Variants in NFIB observed in about 807,000 individuals in gnomAD.
NFIB encodes nuclear factor I B.
NFIB carries 11 observed loss-of-function variants against 61.5 expected under a neutral mutation model. The ratio of observed to expected loss-of-function variants is 0.18; its 90% CI spans 0.11 to 0.30. The LOEUF is 0.30. Ranked by LOEUF, NFIB falls within the 10% of genes least tolerant of loss-of-function variation. The probability of loss-of-function intolerance (pLI) is 1.00; values close to 1 mark genes in which losing one functional copy is unlikely to be tolerated. For synonymous variants in NFIB, 260 were observed against 216.5 expected, an observed-to-expected ratio of 1.20 and a Z score of -1.76; for missense variants, 471 against 608.9, an observed-to-expected ratio of 0.77 and a Z score of 2.38.
the NFIB span, among the ~76,000 whole-genome samples, chr9:14,487,275 T>G: frequency 1.3e-5 from 2 of 152,234 alleles, no homozygotes; most frequent in Non-Finnish European, 2.9e-5. Context: ...AACATTTATA[T>G]TGCTGCCTTT....
the NFIB span, among the ~76,000 whole-genome samples, chr9:14,447,147 T>A: frequency 6.6e-6 from 1 of 152,214 alleles, no homozygotes; most frequent in Non-Finnish European, 1.5e-5. Context: ...TTTTATAGTT[T>A]ATTGTTTCTG....
At chr9:14,228,259 A>G (rs999572994) in intron 2 of NFIB, among the ~76,000 whole-genome samples, 3 of 150,722 alleles carry the variant, frequency 2.0e-5, no homozygotes, top group African/African-American at 7.4e-5. Context: ...CAGTGGCGCA[A>G]TCTCGGCTCA....
At chr9:14,147,689 T>C (rs1270730514) in intron 5 of NFIB, among the ~76,000 whole-genome samples, 7 of 146,232 alleles carry the variant, frequency 4.8e-5, no homozygotes. Flanking sequence ...ACCTACGATG[T>C]AGTACACTGT....
intron 10 of NFIB, among the ~76,000 whole-genome samples, chr9:14,108,429 T>G (rs995394041): frequency 5.9e-5 from 9 of 152,112 alleles, no homozygotes; most frequent in African/African-American, 1.9e-4. Context: ...AGAAGTAATT[T>G]CTTAAAAAGG....
the NFIB span, among the ~76,000 whole-genome samples, chr9:14,474,380 C>A: frequency 1.3e-5 from 2 of 152,260 alleles, no homozygotes; most frequent in Admixed American, 1.3e-4. Flanking sequence ...GTTTCATCCT[C>A]AAAACCTAAT....
At chr9:14,505,078 A>G in the NFIB span, among the ~76,000 whole-genome samples, 1 of 152,084 alleles carries the variant, frequency 6.6e-6, no homozygotes. Flanking sequence ...TTCTGCATCT[A>G]TTGAGGTGAT....
At chr9:14,411,657 T>A in the NFIB span, among the ~76,000 whole-genome samples, 1 of 152,100 alleles carries the variant, frequency 6.6e-6, no homozygotes, top group Non-Finnish European at 1.5e-5. Context: ...GTGGCCTTCG[T>A]TTCTGTTGGG....
chr9:14,380,604 G>T (rs921751166), intron 1 of NFIB, among the ~76,000 whole-genome samples: 1 of 152,126 alleles, frequency 6.6e-6, no homozygotes, highest in African/African-American at 2.4e-5. Flanking sequence ...ATTACAGGAA[G>T]CAGCTGTCTA....
chr9:14,220,007 C>A (rs2051445879), intron 2 of NFIB, among the ~76,000 whole-genome samples: 2 of 152,152 alleles, frequency 1.3e-5, no homozygotes, highest in Admixed American at 1.3e-4. Flanking sequence ...CTTGGGAGCG[C>A]ATCAAAGCAA....
the NFIB span, among the ~76,000 whole-genome samples, chr9:14,488,442 G>C: frequency 1.3e-5 from 2 of 152,050 alleles, no homozygotes. Context: ...TTCTGGTTCA[G>C]TTATGCCTGG....
At chr9:14,300,056 C>A (rs2059667305) in intron 2 of NFIB, 1 of 396,182 alleles carries the variant, frequency 2.5e-6, no homozygotes, top group Non-Finnish European at 4.4e-6. Context: ...ACTTAGTTTT[C>A]ACAAGTTCTC....
At chr9:14,242,934 T>C (rs1023516677) in intron 2 of NFIB, among the ~76,000 whole-genome samples, 1 of 152,238 alleles carries the variant, frequency 6.6e-6, no homozygotes, top group African/African-American at 2.4e-5. Context: ...GTTCTGAACA[T>C]ATGCCTATGC....
intron 2 of NFIB, among the ~76,000 whole-genome samples, chr9:14,218,677 A>G (rs1206631251): frequency 6.6e-6 from 1 of 152,168 alleles, no homozygotes; most frequent in African/African-American, 2.4e-5. Flanking sequence ...ATTGCTACCA[A>G]CCAGATTTGG....
At chr9:14,362,282 A>G (rs911254071) in intron 1 of NFIB, 1 of 152,204 alleles carries the variant, frequency 6.6e-6, no homozygotes, top group Admixed American at 6.5e-5. Flanking sequence ...AATGACTACA[A>G]TGGTGAACCA....
At chr9:14,391,825 TTCC>T (rs1228748282) in intron 1 of NFIB, among the ~76,000 whole-genome samples, 6 of 152,204 alleles carry the variant, frequency 3.9e-5, no homozygotes. Flanking sequence ...CTTGGCCCTC[TTCC>T]AAGAGTACTT....
Position 14,307,153 on chromosome 9 carries a change from A to T in NFIB, c.398T>A (p.Val133Asp). The T allele has an allele frequency of 6.2e-7, 1 of 1,614,130 alleles. No individual in the cohort carries two copies. Among genetic ancestry groups the T allele is most frequent in the Non-Finnish European group, 8.5e-7 (1 of 1,180,004 alleles). Reference protein sequence around the residue: ...QADKVWRLDLVMVILFKGIPL... With the variant: ...QADKVWRLDLDMVILFKGIPL... ...GATGCCTTTGAACAGGATCACCATG[A>T]CTAGATCCAGACGCCAGACTTTGTC... The change falls in exon 2 of 11, where the codon GTC (valine) becomes GAC (aspartate). Residue 133 changes from valine (V) to aspartate (D), a missense_variant. This residue lies in a region of NFIB where 99 missense variants were observed against 213.3 expected (regional missense o/e 0.46). Transcript: ENST00000380953. This position sits in a 1 kb window ranked among gnomAD's most constrained non-coding sequence, Gnocchi z 5.3.
At chr9:14,230,160 T>C (rs1471553466) in intron 2 of NFIB, among the ~76,000 whole-genome samples, 1 of 152,180 alleles carries the variant, frequency 6.6e-6, no homozygotes, top group Non-Finnish European at 1.5e-5. Flanking sequence ...AAGAATGGTA[T>C]AAAATAATTC....
At chr9:14,472,626 G>A in the NFIB span, among the ~76,000 whole-genome samples, 2 of 152,102 alleles carry the variant, frequency 1.3e-5, no homozygotes, top group Non-Finnish European at 2.9e-5. Context: ...TGGATCACGA[G>A]GTTAGGAGAC....
At chr9:14,147,020 T>A (rs2042342229) in intron 5 of NFIB, among the ~76,000 whole-genome samples, 1 of 152,168 alleles carries the variant, frequency 6.6e-6, no homozygotes, top group Non-Finnish European at 1.5e-5. Context: ...ACCTAACCTG[T>A]CTAACAAATA....
Sources: gnomAD v4.1 joint callset for allele counts (sites outside exome capture counted in the v4.1 genomes callset) on GRCh38, gnomAD v4.1.1 for gene constraint, gnomAD v4.1.1 regional missense constraint, Gnocchi (gnomAD v3.1) non-coding constraint, MANE v1.5 for transcripts, NCBI Gene and HGNC (gene_info 2026-07-23, HGNC 2026-07-21) for gene names.